The following AKAP19 variants were observed in gnomAD, a reference collection of about 807,000 sequenced individuals.
AKAP19 encodes small A-kinase anchoring protein.
chr2:190,198,273 T>C, the AKAP19 span, among the ~76,000 whole-genome samples: 1 of 152,116 alleles, frequency 6.6e-6, no homozygotes, highest in Non-Finnish European at 1.5e-5. Context: ...CTGGCAAACA[T>C]CACCTCCTCT....
At chr2:189,951,364 G>A in the AKAP19 span, among the ~76,000 whole-genome samples, 4 of 152,090 alleles carry the variant, frequency 2.6e-5, no homozygotes, top group East Asian at 1.9e-4. Flanking sequence ...AGCGCACCCG[G>A]CTAATTTTTG....
the AKAP19 span, among the ~76,000 whole-genome samples, chr2:190,199,203 A>G: frequency 2.6e-5 from 4 of 152,120 alleles, 1 homozygote; most frequent in South Asian, 8.3e-4. Context: ...ATAGATCAGG[A>G]CTCAGCAAAC....
chr2:190,136,006 G>A, the AKAP19 span, among the ~76,000 whole-genome samples: 1 of 152,144 alleles, frequency 6.6e-6, no homozygotes, highest in Admixed American at 6.5e-5. Context: ...AGCATTAGGG[G>A]CATTCCAGGT....
chr2:190,095,217 G>A, the AKAP19 span, among the ~76,000 whole-genome samples: 1,852 of 151,950 alleles, frequency 0.012, 40 homozygotes, highest in African/African-American at 0.043. Flanking sequence ...GCAAGACTCT[G>A]TCTCAAAAAA....
chr2:190,041,986 AT>A, the AKAP19 span, among the ~76,000 whole-genome samples: 1 of 151,330 alleles, frequency 6.6e-6, no homozygotes, highest in African/African-American at 2.4e-5. Flanking sequence ...TTCTTTTTTT[AT>A]TGTGTCTCTG....
chr2:189,888,193 C>A, the AKAP19 span, among the ~76,000 whole-genome samples: 1 of 152,170 alleles, frequency 6.6e-6, no homozygotes, highest in Non-Finnish European at 1.5e-5. Flanking sequence ...TTCCAAACAC[C>A]ATTTTTTAAA....
At chr2:190,197,609 G>A in the AKAP19 span, among the ~76,000 whole-genome samples, 1 of 152,164 alleles carries the variant, frequency 6.6e-6, no homozygotes, top group Non-Finnish European at 1.5e-5. This position sits in a 1 kb window ranked among gnomAD's most constrained non-coding sequence, Gnocchi z 4.0. Flanking sequence ...CCACGGTAAT[G>A]CTGGGAGATA....
chr2:189,980,993 G>T, the AKAP19 span, among the ~76,000 whole-genome samples: 10 of 152,280 alleles, frequency 6.6e-5, no homozygotes, highest in Admixed American at 2.6e-4. Flanking sequence ...AAATGTATAC[G>T]CTGTGGTTTT....
At chr2:189,968,012 A>G in the AKAP19 span, among the ~76,000 whole-genome samples, 1 of 152,184 alleles carries the variant, frequency 6.6e-6, no homozygotes, top group Admixed American at 6.6e-5. Context: ...AGTGTTGATA[A>G]ATTTGCACGT....
chr2:189,926,114 C>A, the AKAP19 span, among the ~76,000 whole-genome samples: 1 of 152,060 alleles, frequency 6.6e-6, no homozygotes, highest in Non-Finnish European at 1.5e-5. Context: ...CATTGATATT[C>A]GGTTGATCAC....
the AKAP19 span, chr2:190,060,526 A>G: frequency 8.7e-6 from 10 of 1,150,042 alleles, no homozygotes; most frequent in Non-Finnish European, 1.2e-5. Context: ...TTTTAAATTA[A>G]GATAATGTAT....
chr2:190,197,959 T>C, the AKAP19 span, among the ~76,000 whole-genome samples: 4 of 152,164 alleles, frequency 2.6e-5, no homozygotes, highest in Admixed American at 6.5e-5. The surrounding 1 kb of genome is among the most constrained non-coding windows in gnomAD (Gnocchi z 4.0). Context: ...CCCTTAACCA[T>C]CCCTCACAGT....
the AKAP19 span, among the ~76,000 whole-genome samples, chr2:190,163,027 G>A: frequency 6.6e-6 from 1 of 152,132 alleles, no homozygotes; most frequent in African/African-American, 2.4e-5. Flanking sequence ...GATTGACCTC[G>A]CCAGATTATT....
At chr2:190,118,814 G>A in the AKAP19 span, among the ~76,000 whole-genome samples, 15 of 152,298 alleles carry the variant, frequency 9.8e-5, no homozygotes, top group Admixed American at 9.2e-4. Context: ...GCACAAGACA[G>A]GGATGCCCTT....
chr2:190,081,874 A>C, the AKAP19 span, among the ~76,000 whole-genome samples: 144,551 of 152,160 alleles, frequency 0.95, 69,087 homozygotes, highest in Non-Finnish European at 1. Flanking sequence ...ACAGAACCAC[A>C]TCTTTCGGCC....
chr2:190,161,882 G>C, the AKAP19 span, among the ~76,000 whole-genome samples: 1 of 152,098 alleles, frequency 6.6e-6, no homozygotes, highest in Non-Finnish European at 1.5e-5. Context: ...GAGACTACTG[G>C]TTCTATTCTC....
chr2:190,156,703 A>G, the AKAP19 span, among the ~76,000 whole-genome samples: 1 of 152,202 alleles, frequency 6.6e-6, no homozygotes. Context: ...AAATAAAATA[A>G]CAACAATATA....
chr2:190,127,926 A>G, the AKAP19 span, among the ~76,000 whole-genome samples: 2 of 152,252 alleles, frequency 1.3e-5, no homozygotes, highest in Non-Finnish European at 2.9e-5. Context: ...AATGAAACCC[A>G]TCAACCTGAG....
At chr2:190,076,534 A>G in the AKAP19 span, among the ~76,000 whole-genome samples, 23 of 152,284 alleles carry the variant, frequency 1.5e-4, no homozygotes, top group Non-Finnish European at 3.1e-4. Flanking sequence ...TTTTAATCTT[A>G]TTTTCAGACA....
Sources: allele counts gnomAD v4.1 joint callset (sites outside exome capture counted in the v4.1 genomes callset), GRCh38; gene constraint gnomAD v4.1.1; non-coding constraint Gnocchi (gnomAD v3.1); transcripts MANE v1.5; gene names NCBI Gene and HGNC (gene_info 2026-07-23, HGNC 2026-07-21).